Variants in GLG1 observed in about 807,000 individuals in gnomAD.
GLG1 encodes golgi glycoprotein 1, also known as Golgi apparatus protein 1.
Under a neutral mutation model 160.5 loss-of-function variants are expected in GLG1, and 38 were observed. That is an observed-to-expected ratio of 0.24 (90% CI 0.18 to 0.31). The LOEUF is 0.31. Ranked by LOEUF, GLG1 falls within the 10% of genes least tolerant of loss-of-function variation. The pLI is 1.00. For synonymous variants in GLG1, 644 were observed against 543.4 expected, an observed-to-expected ratio of 1.19 and a Z score of -2.57; for missense variants, 1,373 against 1,505.2, an observed-to-expected ratio of 0.91 and a Z score of 1.45.
chr16:74,521,926 G>A (rs2017177566), intron 2 of GLG1, among the ~76,000 whole-genome samples: 2 of 152,174 alleles, frequency 1.3e-5, no homozygotes, highest in African/African-American at 2.4e-5. Context: ...AACGCTCTGG[G>A]CAGAGTTTCC....
Position 74,462,518 on chromosome 16 carries a change from G to A in GLG1, c.2904C>T (p.Ile968=). ...CAGCATATCTCAGCTTCAGGCAAGA[G>A]ATGACTTGTCCTTCTAATTCTGAAT... ...KDDSELEGQV[I]SCLKLRYADQ... The change falls in exon 21 of 26, where the codon ATC becomes ATT. Residue 968 remains isoleucine (I), a synonymous_variant. Coordinates refer to ENST00000422840, the MANE Select transcript of GLG1 (RefSeq NM_001145667.2). 1 of 1,614,024 alleles carries A rather than the reference G, an allele frequency of 6.2e-7. No individual in the cohort carries two copies. Among genetic ancestry groups the A allele is most frequent in the Non-Finnish European group, 8.5e-7 (1 of 1,179,838 alleles).
At chr16:74,558,619 T>G (rs2018416242) in intron 1 of GLG1, among the ~76,000 whole-genome samples, 1 of 152,234 alleles carries the variant, frequency 6.6e-6, no homozygotes, top group Non-Finnish European at 1.5e-5. Flanking sequence ...CTTAAGACAT[T>G]TTTAGAAAAT....
intron 1 of GLG1, among the ~76,000 whole-genome samples, chr16:74,567,843 C>T (rs967826065): frequency 5.9e-5 from 9 of 152,032 alleles, no homozygotes; most frequent in African/African-American, 2.2e-4. Context: ...GCTGGGATTA[C>T]AGGCGTGAGC....
rs1384542607 is a variant in GLG1, at chr16:74,498,771, G to A, written c.775-2127C>T. 3.4e-5 allele frequency among the ~76,000 whole-genome samples: 5 copies of A among 145,464 alleles called. No individual in the cohort carries two copies. The East Asian group carries it at 8.5e-4, about 25-fold the overall frequency. ...CCCCAGCTACTCAGGAAGCTGAGGC[G>A]AGAGAATTGCTTGAATCTGGGAGGC... is the stretch of plus-strand genomic sequence containing the variant. On this transcript the variant is annotated intron_variant, in intron 4 of 25. Coordinates refer to ENST00000422840, the MANE Select transcript of GLG1 (RefSeq NM_001145667.2).
chr16:74,523,846 G>C (rs1298515260), intron 2 of GLG1, among the ~76,000 whole-genome samples: 1 of 151,754 alleles, frequency 6.6e-6, no homozygotes, highest in Non-Finnish European at 1.5e-5. Context: ...AATTCTTTTG[G>C]ATTTTCTATT....
At chr16:74,567,225 G>GAGAA (rs1410543521) in intron 1 of GLG1, among the ~76,000 whole-genome samples, 4 of 151,688 alleles carry the variant, frequency 2.6e-5, no homozygotes, top group Non-Finnish European at 5.9e-5. Flanking sequence ...GAGAGAGAGA[G>GAGAA]AGAGACAGAC....
intron 11 of GLG1, among the ~76,000 whole-genome samples, chr16:74,478,746 T>C (rs2015482778): frequency 6.6e-6 from 1 of 151,204 alleles, no homozygotes; most frequent in African/African-American, 2.4e-5. Context: ...ACCCCATCTC[T>C]ACTAAAAATA....
intron 4 of GLG1, 86 bp downstream of exon 4, chr16:74,503,445 T>C (rs2016484870): frequency 1.4e-5 from 13 of 902,130 alleles, no homozygotes; most frequent in Non-Finnish European, 2.4e-5. Context: ...ACTCCAGTCC[T>C]AAATTTTTCC....
Position 74,467,841 on chromosome 16 carries a change from T to A in GLG1, c.2444A>T (p.Asp815Val). The change falls in exon 18 of 26, where the codon GAC becomes GTC. Residue 815 changes from aspartate to valine, a missense_variant. Asp to Val is a radical substitution (Grantham distance 152, BLOSUM62 -3). Coordinates refer to ENST00000422840, the MANE Select transcript of GLG1 (RefSeq NM_001145667.2). ...GTATAGATCTGGCTCCAAGCGGATG[T>A]CCTCCGTCTGCATGAGGGAGCCAGC... is the stretch of plus-strand genomic sequence containing the variant. ...LRVEELEMTE[D>V]IRLEPDLYEA... 6.2e-7 allele frequency: 1 copy of A among 1,610,434 alleles called. No homozygotes were observed. The highest frequency in any genetic ancestry group is 8.5e-7 in the Non-Finnish European group (1 of 1,177,136).
Position 74,452,668 on chromosome 16 carries a change from C to T in GLG1, c.*499G>A. On this transcript the variant is annotated 3_prime_UTR_variant, in exon 26 of 26. Coordinates refer to ENST00000422840, the MANE Select transcript of GLG1 (RefSeq NM_001145667.2). ...CTTCTGAGAGATGAACGAGACACCTCAGTCATGGCACACTGGGTGGTGTGC... is the reference window on the plus strand; with the variant it reads ...CTTCTGAGAGATGAACGAGACACCTTAGTCATGGCACACTGGGTGGTGTGC... 1.0e-6 allele frequency: 1 copy of T among 995,768 alleles called. No individual in the cohort carries two copies. The highest frequency in any genetic ancestry group is 1.2e-6 in the Non-Finnish European group (1 of 835,702). 61.7% of individuals were successfully genotyped at this position (995,768 alleles called of 1,614,324 possible).
chr16:74,494,966 A>C lies in GLG1; in HGVS notation c.979-135T>G. The C allele has an allele frequency of 1.1e-5, 5 of 472,084 alleles. No individual in the cohort carries two copies. In the East Asian group the frequency reaches 1.6e-4, roughly 15 times the overall value. 29.2% of individuals were successfully genotyped at this position (472,084 alleles called of 1,614,324 possible). A position where few individuals can be genotyped will look rare whatever the true frequency, so the allele number is the denominator to read the frequency against. ...CTTTGGACAAACAGCGCTTCCATTTATAAAATTTAATAGGCTTTTAACAAA... is the reference window on the plus strand; with the variant it reads ...CTTTGGACAAACAGCGCTTCCATTTCTAAAATTTAATAGGCTTTTAACAAA... On this transcript the variant is annotated intron_variant, in intron 5 of 25. Transcript: ENST00000422840.
At chr16:74,470,432 G>C (rs1268902524) in intron 15 of GLG1, among the ~76,000 whole-genome samples, 1 of 138,700 alleles carries the variant, frequency 7.2e-6, no homozygotes, top group Non-Finnish European at 1.5e-5. Flanking sequence ...ATAAAAATAG[G>C]ACATATATTT....
At chr16:74,453,554 C>A (rs919632403) in intron 25 of GLG1, among the ~76,000 whole-genome samples, 3 of 152,180 alleles carry the variant, frequency 2.0e-5, no homozygotes, top group Admixed American at 6.5e-5. Flanking sequence ...CAGAAAGAGA[C>A]AAAGTGGTGC....
chr16:74,519,787 C>T (rs1465237510), intron 2 of GLG1, among the ~76,000 whole-genome samples: 1 of 152,180 alleles, frequency 6.6e-6, no homozygotes, highest in African/African-American at 2.4e-5. Flanking sequence ...TTTTAAACTA[C>T]ATGCTTAAAC....
intron 1 of GLG1, among the ~76,000 whole-genome samples, chr16:74,544,772 T>C (rs1191849899): frequency 6.6e-6 from 1 of 152,150 alleles, no homozygotes; most frequent in African/African-American, 2.4e-5. Flanking sequence ...AGTGCAGGGA[T>C]TACAGGTGTG....
At chr16:74,564,446 G>A (rs1471617928) in intron 1 of GLG1, among the ~76,000 whole-genome samples, 1 of 152,168 alleles carries the variant, frequency 6.6e-6, no homozygotes, top group Admixed American at 6.5e-5. Flanking sequence ...CAGTCTCCCT[G>A]CTGCATTATA....
At chr16:74,531,135 ATTC>A (rs2017518549) in intron 2 of GLG1, among the ~76,000 whole-genome samples, 1 of 152,066 alleles carries the variant, frequency 6.6e-6, no homozygotes, top group African/African-American at 2.4e-5. Flanking sequence ...ATCTTCTAGT[ATTC>A]TTCTAGTTTT....
chr16:74,531,388 G>A (rs1269473564), intron 2 of GLG1, among the ~76,000 whole-genome samples: 9 of 152,110 alleles, frequency 5.9e-5, no homozygotes, highest in African/African-American at 2.2e-4. Context: ...GCACCATCTC[G>A]GCTCAATGAA....
chr16:74,493,987 C>T (rs1286236929), intron 6 of GLG1, among the ~76,000 whole-genome samples: 3 of 151,880 alleles, frequency 2.0e-5, no homozygotes, highest in African/African-American at 4.8e-5. Flanking sequence ...GCAGCTTGGC[C>T]AACATGGTGA....
Sources: allele counts gnomAD v4.1 joint callset (sites outside exome capture counted in the v4.1 genomes callset), GRCh38; gene constraint gnomAD v4.1.1; transcripts MANE v1.5; gene names NCBI Gene and HGNC (gene_info 2026-07-23, HGNC 2026-07-21).